The following EXOC4 variants were observed in gnomAD, a reference collection of about 807,000 sequenced individuals.
The protein encoded by EXOC4 is SEC8-like 1.
A neutral mutation model predicts 107.2 loss-of-function variants in EXOC4; 71 were observed. The observed-to-expected ratio is 0.66, with a 90% CI of 0.55 to 0.81. The LOEUF is 0.81. EXOC4 is among the 30% of genes least tolerant of loss of function. The pLI is 0.00. For missense variants in EXOC4, 1,108 were observed against 1,189.6 expected (o/e 0.93, Z 1.01); for synonymous variants, 456 against 441.2 (o/e 1.03, Z -0.42).
chr7:133,759,232 T>C (rs4731980), intron 10 of EXOC4, among the ~76,000 whole-genome samples: 151,614 of 151,872 alleles, frequency 1, 75,678 homozygotes, highest in Middle Eastern at 1. Flanking sequence ...GTCCTCCTGC[T>C]TTTATCTCCC....
At chr7:133,707,717 G>A (rs966970311) in intron 10 of EXOC4, among the ~76,000 whole-genome samples, 2 of 152,078 alleles carry the variant, frequency 1.3e-5, no homozygotes. Context: ...CTGGGTTCAA[G>A]CAATTCTCTT....
rs1302640429 is a variant in EXOC4 at position 133,823,921 on chromosome 7, A to C, written c.1734+6377A>C. 5.2e-5 allele frequency among the ~76,000 whole-genome samples: 4 copies of C among 77,172 alleles called. 1 individual carries two copies. Among genetic ancestry groups the C allele is most frequent in the African/African-American group, 2.4e-4 (4 of 16,640 alleles). The allele number at this position is 77,172 out of a possible 152,430, so 50.6% of individuals were successfully genotyped here. ...TATATATATATATATAAATATATAT[A>C]TAAATTATATATATATTATATATAT... On this transcript the variant is annotated intron_variant, in intron 11 of 17. Transcript: ENST00000253861.
At chr7:133,737,044 C>T (rs939787822) in intron 10 of EXOC4, among the ~76,000 whole-genome samples, 1 of 152,144 alleles carries the variant, frequency 6.6e-6, no homozygotes, top group Non-Finnish European at 1.5e-5. Flanking sequence ...TATCTAAAAC[C>T]TATAGATTCC....
At chr7:133,271,319 C>G (rs970256169) in intron 1 of EXOC4, among the ~76,000 whole-genome samples, 1 of 152,040 alleles carries the variant, frequency 6.6e-6, no homozygotes, top group Non-Finnish European at 1.5e-5. Context: ...TCTCATATTG[C>G]AGAAAAGAAA....
intron 10 of EXOC4, among the ~76,000 whole-genome samples, chr7:133,773,133 A>C (rs1796278196): frequency 6.6e-6 from 1 of 151,958 alleles, no homozygotes; most frequent in Non-Finnish European, 1.5e-5. Context: ...GGGACATAAG[A>C]AGGCTCTCAG....
chr7:133,983,763 C>T (rs1794049466), intron 14 of EXOC4, among the ~76,000 whole-genome samples: 1 of 152,076 alleles, frequency 6.6e-6, no homozygotes, highest in Non-Finnish European at 1.5e-5. Flanking sequence ...CTTTTAGATG[C>T]TCTTTGATGC....
intron 9 of EXOC4, among the ~76,000 whole-genome samples, chr7:133,610,916 GTCC>G (rs1802061809): frequency 6.7e-6 from 1 of 150,240 alleles, no homozygotes; most frequent in Admixed American, 6.6e-5. Flanking sequence ...GGCTCAAGTA[GTCC>G]TCCCACCTCA....
chr7:133,414,927 C>A (rs1272775222), intron 7 of EXOC4, among the ~76,000 whole-genome samples: 1 of 152,128 alleles, frequency 6.6e-6, no homozygotes, highest in Non-Finnish European at 1.5e-5. Flanking sequence ...CCCCCTACCC[C>A]CAACCGCTGC....
chr7:134,006,667 A>G (rs1010464725), intron 16 of EXOC4, among the ~76,000 whole-genome samples: 33 of 152,200 alleles, frequency 2.2e-4, no homozygotes, highest in African/African-American at 8.0e-4. Flanking sequence ...ACTAGACTTC[A>G]GAACAGGAAA....
At chr7:133,271,180 A>C (rs68122915) in intron 1 of EXOC4, among the ~76,000 whole-genome samples, 2 of 151,792 alleles carry the variant, frequency 1.3e-5, no homozygotes, top group African/African-American at 4.8e-5. Flanking sequence ...GGCCTCCCAA[A>C]ATGCTGGGAT....
chr7:134,003,537 A>G (rs1794576834), intron 15 of EXOC4, among the ~76,000 whole-genome samples: 1 of 152,174 alleles, frequency 6.6e-6, no homozygotes, highest in Admixed American at 6.5e-5. Flanking sequence ...TTTTGCAGCC[A>G]TTCATTTGGG....
At chr7:133,647,909 T>G (rs991236934) in intron 10 of EXOC4, among the ~76,000 whole-genome samples, 2 of 152,172 alleles carry the variant, frequency 1.3e-5, no homozygotes, top group African/African-American at 4.8e-5. Context: ...GCATTCCAGA[T>G]AGTTCCCAGG....
At chr7:133,980,192 T>A (rs1793947071) in intron 14 of EXOC4, among the ~76,000 whole-genome samples, 1 of 152,236 alleles carries the variant, frequency 6.6e-6, no homozygotes, top group African/African-American at 2.4e-5. Context: ...CCAGTGTGTA[T>A]GTTTAATGGA....
rs182059633 is a variant in EXOC4 at position 133,687,029 on chromosome 7, G to C, written c.1514+56888G>C. On this transcript the variant is annotated intron_variant, in intron 10 of 17. Coordinates refer to ENST00000253861, the MANE Select transcript of EXOC4 (RefSeq NM_021807.4). ...TGTGTGTGTGTGTGTGTGTGTGTGT[G>C]TGTGTGTGTCTGTGTGTGTGTGTGA... Among the ~76,000 whole-genome samples, 201 of 140,460 alleles carry C rather than the reference G, an allele frequency of 1.4e-3. 1 individual carries two copies. Among genetic ancestry groups the C allele is most frequent in the African/African-American group, 5.0e-3 (182 of 36,758 alleles). 92.1% of individuals were successfully genotyped at this position (140,460 alleles called of 152,430 possible).
intron 2 of EXOC4, among the ~76,000 whole-genome samples, chr7:133,281,238 C>T (rs1185752018): frequency 6.6e-6 from 1 of 151,748 alleles, no homozygotes; most frequent in Admixed American, 6.6e-5. Context: ...TGCTTTCTAA[C>T]TAACCTGCAC....
intron 5 of EXOC4, among the ~76,000 whole-genome samples, chr7:133,348,720 T>C (rs1795842000): frequency 6.6e-6 from 1 of 152,204 alleles, no homozygotes; most frequent in Non-Finnish European, 1.5e-5. Flanking sequence ...GGGGTTGGTT[T>C]TGCTGGATGG....
chr7:133,922,261 T>A (rs4517044), intron 13 of EXOC4, among the ~76,000 whole-genome samples: 94,597 of 152,066 alleles, frequency 0.62, 31,956 homozygotes, highest in African/African-American at 0.9. Context: ...GAAACAGAAC[T>A]TTAGCAATAA....
chr7:133,512,209 C>T (rs1369543624), intron 9 of EXOC4, among the ~76,000 whole-genome samples: 1 of 152,058 alleles, frequency 6.6e-6, no homozygotes, highest in South Asian at 2.1e-4. Flanking sequence ...GCAGGTGGAT[C>T]ACCTGAGGGC....
chr7:133,745,301 G>T (rs541913516), intron 10 of EXOC4, among the ~76,000 whole-genome samples: 1 of 152,112 alleles, frequency 6.6e-6, no homozygotes, highest in African/African-American at 2.4e-5. Flanking sequence ...GCTTACACTC[G>T]AGTACAGCTG....
Sources: allele counts gnomAD v4.1 joint callset (sites outside exome capture counted in the v4.1 genomes callset), GRCh38; gene constraint gnomAD v4.1.1; transcripts MANE v1.5; gene names NCBI Gene and HGNC (gene_info 2026-07-23, HGNC 2026-07-21).